Variants in CLK4 observed in about 807,000 individuals in gnomAD.
CLK4 encodes CDC like kinase 4, also known as dual specificity protein kinase CLK4.
CLK4 carries 37 observed loss-of-function variants against 64.4 expected under a neutral mutation model. The observed-to-expected ratio is 0.57, with a 90% CI of 0.44 to 0.76. The LOEUF is 0.76. Among genes scored for constraint, CLK4 ranks in the 30% least tolerant of loss-of-function variants. The pLI, the probability that CLK4 is intolerant of heterozygous loss-of-function variation, is 0.00. For missense variants in CLK4, 457 were observed against 605.1 expected, an observed-to-expected ratio of 0.76 and a Z score of 2.57; for synonymous variants, 175 against 191.6, an observed-to-expected ratio of 0.91 and a Z score of 0.72.
Position 178,625,975 on chromosome 5 carries a change from C to T in CLK4, c.-1+971G>A, listed in dbSNP as rs149642646. Among the ~76,000 whole-genome samples the T allele has an allele frequency of 3.5e-3, 538 of 152,310 alleles. 1 individual carries two copies. The highest frequency in any genetic ancestry group is 0.011 in the African/African-American group (459 of 41,558). On this transcript the variant is annotated intron_variant, in intron 1 of 12. Transcript: ENST00000316308. ...TGACACTGCCTCTAATAAAGCATCC[C>T]ACATGCTAGAGTAGGTATCTTTCAA...
At chr5:178,603,800 T>C in intron 12 of CLK4, 43 bp from the exon 13 acceptor site, 2 of 1,584,642 alleles carry the variant, frequency 1.3e-6, no homozygotes, top group Non-Finnish European at 1.7e-6. Flanking sequence ...TTATTAATAG[T>C]GCAAACACGT....
At chr5:178,624,978 T>TCTCAG (rs1286952272) in intron 1 of CLK4, among the ~76,000 whole-genome samples, 2 of 152,274 alleles carry the variant, frequency 1.3e-5, no homozygotes, top group Non-Finnish European at 1.5e-5. Context: ...CTAAGGTGGC[T>TCTCAG]CTCAGCTCAC....
chr5:178,609,740 T>C (rs1382390897), intron 9 of CLK4, among the ~76,000 whole-genome samples: 2 of 93,084 alleles, frequency 2.1e-5, no homozygotes, highest in African/African-American at 1.4e-4. Context: ...TTAAAATATA[T>C]ATATATATAT....
intron 5 of CLK4, among the ~76,000 whole-genome samples, chr5:178,615,275 C>A (rs1001693464): frequency 4.6e-5 from 7 of 152,106 alleles, no homozygotes; most frequent in African/African-American, 1.7e-4. Flanking sequence ...AATGGGATGA[C>A]TGGTGAAATC....
At position 178,623,914 on chromosome 5, in the gene CLK4, T is replaced by A. The variant is rs187377236; in HGVS notation, c.1-498A>T. Among the ~76,000 whole-genome samples the A allele has an allele frequency of 2.0e-5, 3 of 152,332 alleles. No homozygotes were observed. The East Asian group carries it at 5.8e-4, about 29-fold the overall frequency. ...TTTTAAAAATGTTAACATTAAAATG[T>A]GAGCTGATTTAAGGAGAAATAATAT... On this transcript the variant is annotated intron_variant, in intron 1 of 12. Coordinates refer to ENST00000316308, the MANE Select transcript of CLK4 (RefSeq NM_020666.3).
chr5:178,618,746 C>T lies in CLK4; in HGVS notation c.194G>A (p.Arg65Gln), dbSNP rs1200282350. 2.5e-6 allele frequency: 4 copies of T among 1,613,418 alleles called. No individual in the cohort carries two copies. In the Admixed American group the frequency reaches 6.7e-5, roughly 27 times the overall value. ...HYLEARSLNE[R>Q]DYRDRRYVDE... ...AACGTATCTCCGGTCCCGATAATCT[C>T]GCTCATTCAAGGACCTTGCTTCTAA... The change falls in exon 3 of 13, where the codon CGA (arginine) becomes CAA (glutamine). Residue 65 changes from arginine (R) to glutamine (Q), a missense_variant. Coordinates refer to ENST00000316308, the MANE Select transcript of CLK4 (RefSeq NM_020666.3).
chr5:178,623,742 A>G (rs1476401450), intron 1 of CLK4, among the ~76,000 whole-genome samples: 1 of 152,120 alleles, frequency 6.6e-6, no homozygotes, highest in Non-Finnish European at 1.5e-5. Flanking sequence ...ATTAAAAAAA[A>G]GCCGGGGGGG....
chr5:178,620,346 T>A, intron 2 of CLK4: 1 of 237,426 alleles, frequency 4.2e-6, no homozygotes, highest in Non-Finnish European at 8.6e-6. Flanking sequence ...AAACTAGCAC[T>A]AACAATCTTT....
chr5:178,613,871 A>G (rs940999577), intron 5 of CLK4, 28 bp from the exon 6 acceptor site: 1 of 1,538,850 alleles, frequency 6.5e-7, no homozygotes, highest in Admixed American at 1.7e-5. Flanking sequence ...GATAAAAATG[A>G]TAAATGTACA....
chr5:178,623,142 A>T, intron 2 of CLK4, 114 bp downstream of exon 2: 1 of 1,047,852 alleles, frequency 9.5e-7, no homozygotes, highest in Admixed American at 2.1e-5. Context: ...TTTCTAAACG[A>T]ATATTTGTTG....
chr5:178,606,991 A>G (rs1764476154), intron 10 of CLK4, among the ~76,000 whole-genome samples: 1 of 151,930 alleles, frequency 6.6e-6, no homozygotes, highest in Admixed American at 6.6e-5. Context: ...AAGATTTCAG[A>G]TGTAAGTACA....
intron 9 of CLK4, among the ~76,000 whole-genome samples, chr5:178,611,684 A>G (rs1288170358): frequency 6.6e-6 from 1 of 152,240 alleles, no homozygotes; most frequent in African/African-American, 2.4e-5. Flanking sequence ...ACACACAAAA[A>G]AAGTAAAAAG....
intron 11 of CLK4, 62 bp from the exon 12 acceptor site, chr5:178,603,996 A>C (rs915313152): frequency 1.6e-6 from 2 of 1,235,156 alleles, no homozygotes; most frequent in African/African-American, 3.0e-5. Context: ...TTTACCCTGC[A>C]CCCATGAGGG....
At chr5:178,621,631 T>C (rs1021866383) in intron 2 of CLK4, among the ~76,000 whole-genome samples, 1 of 152,190 alleles carries the variant, frequency 6.6e-6, no homozygotes, top group Admixed American at 6.5e-5. Context: ...CAAAACATTA[T>C]GCTTGGCCTT....
At chr5:178,616,741 A>C in intron 5 of CLK4, 141 bp downstream of exon 5, 1 of 616,452 alleles carries the variant, frequency 1.6e-6, no homozygotes, top group Non-Finnish European at 2.8e-6. Context: ...AGTTGCAGTG[A>C]GCCAAGATAG....
rs998325531 is a variant in CLK4 at position 178,603,043 on chromosome 5, C to T, written c.*574G>A. On this transcript the variant is annotated 3_prime_UTR_variant, in exon 13 of 13. Coordinates refer to ENST00000316308, the MANE Select transcript of CLK4 (RefSeq NM_020666.3). Reference sequence around the variant, plus strand: ...ACAAACTGTCACAATGGACAAACTGCATGCCTTTCCATGAATGTCTGGTTA... The same window carrying T: ...ACAAACTGTCACAATGGACAAACTGTATGCCTTTCCATGAATGTCTGGTTA... The T allele has an allele frequency of 1.3e-5, 2 of 152,456 alleles. No homozygotes were observed. The highest frequency in any genetic ancestry group is 2.9e-5 in the Non-Finnish European group (2 of 68,028). 9.4% of individuals were successfully genotyped at this position (152,456 alleles called of 1,614,324 possible).
In CLK4 at chr5:178,618,672, G is replaced by A; in HGVS notation, c.268C>T (p.His90Tyr). 3 of 1,613,858 alleles carry A rather than the reference G, an allele frequency of 1.9e-6. No individual in the cohort carries two copies. The highest frequency in any genetic ancestry group is 2.5e-6 in the Non-Finnish European group (3 of 1,179,890). ...CGATACCCGCTTTCAATGTCTCTGT[G>A]ATAATGTCTAGGAACATATCCTTCA... ...YCEGYVPRHY[H>Y]RDIESGYRIH... Residue 90 changes from histidine (H) to tyrosine (Y), a missense_variant, in exon 3 of 13, where the codon CAC becomes TAC. Coordinates refer to ENST00000316308, the MANE Select transcript of CLK4 (RefSeq NM_020666.3).
chr5:178,617,352 C>T lies in CLK4; in HGVS notation c.467G>A (p.Arg156Lys), dbSNP rs142915100. The T allele has an allele frequency of 2.2e-4, 351 of 1,611,450 alleles. 1 individual carries two copies. The highest frequency in any genetic ancestry group is 2.6e-4 in the Non-Finnish European group (306 of 1,177,714). Residue 156 changes from arginine to lysine, a missense_variant, in exon 4 of 13, where the codon AGA becomes AAA. Transcript: ENST00000316308. This position sits in a 1 kb window ranked among gnomAD's most constrained non-coding sequence, Gnocchi z 5.2. ...HLICQSGDVL[R>K]ARYEIVDTLG... ...TGAAAAATATTCTATACATCTTGCTCTTAGAACGTCTCCACTTTGACAGAT... is the reference window on the plus strand; with the variant it reads ...TGAAAAATATTCTATACATCTTGCTTTTAGAACGTCTCCACTTTGACAGAT...
At chr5:178,611,421 A>G (rs987961687) in intron 9 of CLK4, among the ~76,000 whole-genome samples, 18 of 152,208 alleles carry the variant, frequency 1.2e-4, no homozygotes, top group African/African-American at 4.3e-4. Flanking sequence ...AATCTGAAAT[A>G]AAATTAATGT....
Sources: gnomAD v4.1 joint callset for allele counts (sites outside exome capture counted in the v4.1 genomes callset) on GRCh38, gnomAD v4.1.1 for gene constraint, Gnocchi (gnomAD v3.1) non-coding constraint, MANE v1.5 for transcripts, NCBI Gene and HGNC (gene_info 2026-07-23, HGNC 2026-07-21) for gene names.